Variants in MTG1 observed in about 807,000 individuals in gnomAD.
MTG1 encodes mitochondrial ribosome associated GTPase 1.
In MTG1, 30 loss-of-function variants were observed where a neutral mutation model predicts 39.5. The observed-to-expected ratio is 0.76, with a 90% confidence interval of 0.57 to 1.03. MTG1 has a LOEUF of 1.03. Ranked by LOEUF, MTG1 falls within the 50% of genes least tolerant of loss-of-function variation. The pLI is 0.00. For missense variants in MTG1, 513 were observed against 447.4 expected (o/e 1.15, Z -1.32); for synonymous variants, 217 against 179.0 (o/e 1.21, Z -1.69).
chr10:133,419,862 C>T (rs549944782), intron 10 of MTG1, among the ~76,000 whole-genome samples, 164 bp from the exon 11 acceptor site: 1 of 152,142 alleles, frequency 6.6e-6, no homozygotes, highest in African/African-American at 2.4e-5. Flanking sequence ...CTTGGAGGCT[C>T]CGGGCAGCGT....
rs1849745617 is a variant in MTG1 at position 133,394,263 on chromosome 10, G to A, written c.43G>A (p.Ala15Thr). 2.0e-6 allele frequency: 3 copies of A among 1,516,910 alleles called. No homozygotes were observed. Among genetic ancestry groups the A allele is most frequent in the Admixed American group, 2.0e-5 (1 of 48,922 alleles). 94.0% of individuals were successfully genotyped at this position (1,516,910 alleles called of 1,614,324 possible). ...PRALCSAAQA[A>T]WRENFPLCGR... Reference sequence around the variant, plus strand: ...CGCGCTGTGCAGCGCCGCCCAGGCCGCCTGGCGGGAGAACTTCCCCCTGTG... The same window carrying A: ...CGCGCTGTGCAGCGCCGCCCAGGCCACCTGGCGGGAGAACTTCCCCCTGTG... Residue 15 changes from alanine (A) to threonine (T), a missense_variant, in exon 1 of 11, where the codon GCC (alanine) becomes ACC (threonine). Coordinates refer to ENST00000317502, the MANE Select transcript of MTG1 (RefSeq NM_138384.4).
At chr10:133,401,857 C>G in intron 7 of MTG1, 4 of 620,374 alleles carry the variant, frequency 6.4e-6, no homozygotes, top group Non-Finnish European at 1.2e-5. Flanking sequence ...GTGGTCAGGA[C>G]AGACCTGAGT....
rs1850071145 is a variant in MTG1, at chr10:133,413,206, G to T, written c.753-6274G>T. ...TCTCACTGCAACCTCCGCCTCCTGG[G>T]TTCAAATGATTTTCATGCCTCAGTC... On this transcript the variant is annotated intron_variant, in intron 9 of 10. Transcript: ENST00000317502. 2.6e-5 allele frequency among the ~76,000 whole-genome samples: 4 copies of T among 152,262 alleles called. No individual in the cohort carries two copies. The South Asian group carries it at 8.3e-4, about 32-fold the overall frequency.
At chr10:133,410,866 C>G (rs147371262) in intron 9 of MTG1, among the ~76,000 whole-genome samples, 1 of 152,202 alleles carries the variant, frequency 6.6e-6, no homozygotes, top group African/African-American at 2.4e-5. Context: ...TGTACTTTAA[C>G]TGCATCTTTC....
At chr10:133,399,435 C>T in intron 5 of MTG1, 94 bp from the exon 6 acceptor site, 1 of 1,353,142 alleles carries the variant, frequency 7.4e-7, no homozygotes, top group Non-Finnish European at 1.1e-6. Flanking sequence ...CCTGAGCTGA[C>T]CTGGCCTGGG....
chr10:133,402,886 A>G lies in MTG1; in HGVS notation c.752+113A>G, dbSNP rs967076074. Reference sequence around the variant, plus strand: ...TTATAAAGGTATTATAAACACGGTAACCTGCACATCGTTTAAAGCGTCCAG... The same window carrying G: ...TTATAAAGGTATTATAAACACGGTAGCCTGCACATCGTTTAAAGCGTCCAG... On this transcript the variant is annotated intron_variant, in intron 9 of 10. Transcript: ENST00000317502. The surrounding 1 kb of genome is among the most constrained non-coding windows in gnomAD (Gnocchi z 4.7). 6.4e-6 allele frequency: 5 copies of G among 782,268 alleles called. No homozygotes were observed. In the East Asian group the frequency reaches 1.3e-4, roughly 21 times the overall value. The allele number at this position is 782,268 out of a possible 1,614,324, so 48.5% of individuals were successfully genotyped here.
chr10:133,395,894 C>G, intron 2 of MTG1, 117 bp downstream of exon 2: 1 of 1,077,636 alleles, frequency 9.3e-7, no homozygotes, highest in South Asian at 1.3e-5. Context: ...ACCAGTTAAT[C>G]AGAATCTGTG....
chr10:133,401,391 C>T, intron 6 of MTG1, 138 bp from the exon 7 acceptor site: 3 of 649,394 alleles, frequency 4.6e-6, no homozygotes, highest in South Asian at 2.4e-5. Context: ...AGTCTCCCTG[C>T]TTGGCTGGTA....
In MTG1 at chr10:133,402,002, C is replaced by T. The variant is rs1320848968; in HGVS notation, c.574-147C>T. 2.4e-6 allele frequency: 2 copies of T among 816,950 alleles called. No individual in the cohort carries two copies. Among genetic ancestry groups the T allele is most frequent in the Non-Finnish European group, 4.0e-6 (2 of 504,430 alleles). The allele number at this position is 816,950 out of a possible 1,614,324, so 50.6% of individuals were successfully genotyped here. On this transcript the variant is annotated intron_variant, in intron 7 of 10. Coordinates refer to ENST00000317502, the MANE Select transcript of MTG1 (RefSeq NM_138384.4). The surrounding 1 kb of genome is among the most constrained non-coding windows in gnomAD (Gnocchi z 4.7). ...TTAGATCCTCTGGGGAACCCTGGAG[C>T]TTGGTGAGAGTGACGCTGCCATGGG...
intron 1 of MTG1, among the ~76,000 whole-genome samples, chr10:133,395,092 C>T (rs111986495): frequency 1.2e-4 from 19 of 152,268 alleles, no homozygotes; most frequent in African/African-American, 4.6e-4. Context: ...TGTGTTATAG[C>T]CCAGATTAAG....
chr10:133,396,300 T>C (rs1190860089), intron 3 of MTG1, 33 bp downstream of exon 3: 8 of 1,560,782 alleles, frequency 5.1e-6, no homozygotes, highest in Non-Finnish European at 7.1e-6. Context: ...CCTTCAGCAG[T>C]GTGGCTGTGT....
rs147046336 is a variant in MTG1, at chr10:133,421,900, C to CGGGGGGGGGGGGGGGGGGG, written c.*1737_*1738insGGGGGGGGGGGGGGGGGGG. ...TGGAGAGGGTGAGATCCCAAGGCCA[C>CGGGGGGGGGGGGGGGGGGG]GGCGGGGGGCAGGGAGAACCCCTCC... On this transcript the variant is annotated 3_prime_UTR_variant, in exon 11 of 11. Coordinates refer to ENST00000317502, the MANE Select transcript of MTG1 (RefSeq NM_138384.4). 2 of 115,820 alleles carry CGGGGGGGGGGGGGGGGGGG rather than the reference C, an allele frequency of 1.7e-5. No individual in the cohort carries two copies. Among genetic ancestry groups the CGGGGGGGGGGGGGGGGGGG allele is most frequent in the Admixed American group, 1.0e-4 (1 of 9,754 alleles). The allele number at this position is 115,820 out of a possible 1,614,324, so 7.2% of individuals were successfully genotyped here.
intron 1 of MTG1, chr10:133,394,554 C>T (rs1849752363): frequency 7.5e-6 from 10 of 1,338,288 alleles, no homozygotes; most frequent in Non-Finnish European, 8.6e-6. Flanking sequence ...GCGAGTGCCC[C>T]CGCGGCGCAG....
chr10:133,394,660 G>A (rs1401316739), intron 1 of MTG1: 6 of 1,177,882 alleles, frequency 5.1e-6, no homozygotes, highest in Middle Eastern at 3.5e-4. Flanking sequence ...ATCCCCCGAA[G>A]CCTCCGTTTC....
chr10:133,419,203 C>T (rs1478765674), intron 9 of MTG1, among the ~76,000 whole-genome samples: 3 of 152,228 alleles, frequency 2.0e-5, no homozygotes, highest in South Asian at 2.1e-4. Flanking sequence ...CCTCCCGCTG[C>T]GGCAAGGGCT....
At chr10:133,406,360 C>T (rs1849970934) in intron 9 of MTG1, among the ~76,000 whole-genome samples, 1 of 152,130 alleles carries the variant, frequency 6.6e-6, no homozygotes, top group Non-Finnish European at 1.5e-5. Flanking sequence ...GGTGCGATCA[C>T]AGCTCACTGC....
chr10:133,413,566 T>C (rs1173326348), intron 9 of MTG1, among the ~76,000 whole-genome samples: 1 of 152,192 alleles, frequency 6.6e-6, no homozygotes, highest in Non-Finnish European at 1.5e-5. Context: ...TCAATTTTTG[T>C]TTTCTTTTTT....
chr10:133,419,064 A>G (rs911015215), intron 9 of MTG1, among the ~76,000 whole-genome samples: 22 of 152,232 alleles, frequency 1.4e-4, no homozygotes, highest in African/African-American at 5.1e-4. Flanking sequence ...CTTAGCAGCA[A>G]ACAGAGTATG....
intron 9 of MTG1, among the ~76,000 whole-genome samples, chr10:133,416,393 T>C (rs970178463): frequency 2.7e-5 from 4 of 150,288 alleles, no homozygotes; most frequent in Non-Finnish European, 1.5e-5. Flanking sequence ...TATATATTTT[T>C]CTTTTTATTT....
Sources: allele counts gnomAD v4.1 joint callset (sites outside exome capture counted in the v4.1 genomes callset), GRCh38; gene constraint gnomAD v4.1.1; non-coding constraint Gnocchi (gnomAD v3.1); transcripts MANE v1.5; gene names NCBI Gene and HGNC (gene_info 2026-07-23, HGNC 2026-07-21).